ATG5: variants seen among roughly 807,000 people sequenced by gnomAD.
The protein encoded by ATG5 is autophagy protein 5.
Under a neutral mutation model 36.5 loss-of-function variants are expected in ATG5, and 14 were observed. The ratio of observed to expected loss-of-function variants is 0.38; its 90% CI spans 0.25 to 0.60. The LOEUF is 0.60. ATG5 is among the 20% of genes least tolerant of loss of function. ATG5 has a pLI of 0.60. For synonymous variants in ATG5, 95 were observed against 101.5 expected (o/e 0.94, Z 0.38); for missense variants, 195 against 326.7 (o/e 0.60, Z 3.11).
At chr6:106,211,257 T>C (rs564982750) in intron 6 of ATG5, among the ~76,000 whole-genome samples, 3 of 152,042 alleles carry the variant, frequency 2.0e-5, no homozygotes, top group Non-Finnish European at 4.4e-5. Flanking sequence ...ACCAAAGGGG[T>C]GAAACTTAAC....
At chr6:106,196,059 G>A (rs1179299346) in intron 7 of ATG5, among the ~76,000 whole-genome samples, 4 of 152,116 alleles carry the variant, frequency 2.6e-5, no homozygotes, top group African/African-American at 9.7e-5. Flanking sequence ...TTTCATTTAC[G>A]TGTCTGATGT....
chr6:106,209,250 G>C (rs918074985), intron 6 of ATG5, among the ~76,000 whole-genome samples: 2 of 152,124 alleles, frequency 1.3e-5, no homozygotes, highest in Non-Finnish European at 2.9e-5. Flanking sequence ...ATTCGTGAGA[G>C]TCAAAAACAG....
At chr6:106,285,844 C>G (rs1181480148) in intron 4 of ATG5, among the ~76,000 whole-genome samples, 1 of 152,088 alleles carries the variant, frequency 6.6e-6, no homozygotes, top group Non-Finnish European at 1.5e-5. Flanking sequence ...AATGTAAAAA[C>G]TACTCTTATA....
At chr6:106,285,371 T>C (rs999412846) in intron 4 of ATG5, among the ~76,000 whole-genome samples, 14 of 152,236 alleles carry the variant, frequency 9.2e-5, no homozygotes, top group African/African-American at 3.4e-4. Flanking sequence ...TTTTTTTATT[T>C]GATATGGACC....
intron 4 of ATG5, among the ~76,000 whole-genome samples, chr6:106,292,736 C>T (rs909189149): frequency 2.0e-5 from 3 of 152,150 alleles, no homozygotes; most frequent in African/African-American, 7.2e-5. Context: ...TCCCAAAGTG[C>T]TGGGATTACA....
Position 106,186,125 on chromosome 6 carries a change from T to G in ATG5, c.*415A>C, listed in dbSNP as rs1775757726. The G allele has an allele frequency of 6.3e-6, 1 of 158,224 alleles. No homozygotes were observed. The highest frequency in any genetic ancestry group is 2.0e-4 in the South Asian group (1 of 4,946). 9.8% of individuals were successfully genotyped at this position (158,224 alleles called of 1,614,324 possible). ...TTCTCTTTTACTTTCTTAATTCTCTTGAAAATTAAACCAATGTTTCCACTT... is the reference window on the plus strand; with the variant it reads ...TTCTCTTTTACTTTCTTAATTCTCTGGAAAATTAAACCAATGTTTCCACTT... On this transcript the variant is annotated 3_prime_UTR_variant, in exon 8 of 8. Transcript: ENST00000369076.
chr6:106,303,961 C>T (rs1770319771), intron 3 of ATG5, among the ~76,000 whole-genome samples: 1 of 148,980 alleles, frequency 6.7e-6, no homozygotes, highest in African/African-American at 2.5e-5. Context: ...GAAGTTCTAG[C>T]TACTCCAATA....
chr6:106,189,482 G>A (rs191926815), intron 7 of ATG5, among the ~76,000 whole-genome samples: 396 of 152,080 alleles, frequency 2.6e-3, no homozygotes, highest in African/African-American at 8.8e-3. Flanking sequence ...TTAGCTGGGC[G>A]TGGTGGTGCA....
chr6:106,184,507 T>G lies in ATG5; in HGVS notation c.*2033A>C, dbSNP rs1775694853. 6.6e-6 allele frequency: 1 copy of G among 152,182 alleles called. No individual in the cohort carries two copies. Among genetic ancestry groups the G allele is most frequent in the Non-Finnish European group, 1.5e-5 (1 of 68,006 alleles). The allele number at this position is 152,182 out of a possible 1,614,324, so 9.4% of individuals were successfully genotyped here. A position where few individuals can be genotyped will look rare whatever the true frequency, so the allele number is the denominator to read the frequency against. ...TAATTTTTTAATAAACCATAAAATT[T>G]AAATATTCAAATGAAAAGAAACAAA... On this transcript the variant is annotated 3_prime_UTR_variant, in exon 8 of 8. Transcript: ENST00000369076.
rs530534431 is a variant in ATG5 at position 106,319,099 on chromosome 6, T to C, written c.-58-2833A>G. 1.2e-3 allele frequency among the ~76,000 whole-genome samples: 190 copies of C among 152,278 alleles called. 1 individual carries two copies. The highest frequency in any genetic ancestry group is 4.3e-3 in the African/African-American group (178 of 41,562). On this transcript the variant is annotated intron_variant, in intron 1 of 7. Transcript: ENST00000369076. ...TCATTTAACTTCTCTATTTCTGTTT[T>C]CTCATCTGTAACATGGGAAAACAGC...
chr6:106,269,338 C>T (rs1779350717), intron 5 of ATG5, among the ~76,000 whole-genome samples: 2 of 152,254 alleles, frequency 1.3e-5, no homozygotes, highest in African/African-American at 4.8e-5. Flanking sequence ...CCCCACCAGA[C>T]TCAGGAGCCC....
intron 5 of ATG5, among the ~76,000 whole-genome samples, chr6:106,251,094 T>C (rs1352721015): frequency 6.6e-6 from 1 of 152,236 alleles, no homozygotes; most frequent in Non-Finnish European, 1.5e-5. Context: ...GGCACACTAA[T>C]GGGCGCTTGC....
At chr6:106,312,356 G>A (rs1307642266) in intron 2 of ATG5, among the ~76,000 whole-genome samples, 1 of 151,950 alleles carries the variant, frequency 6.6e-6, no homozygotes, top group Non-Finnish European at 1.5e-5. Flanking sequence ...GATTTTTTTG[G>A]GGGGAAAGCT....
chr6:106,293,184 A>G lies in ATG5; in HGVS notation c.237-78T>C, dbSNP rs1213908443. On this transcript the variant is annotated intron_variant, in intron 3 of 7. Coordinates refer to ENST00000369076, the MANE Select transcript of ATG5 (RefSeq NM_004849.4). Reference sequence around the variant, plus strand: ...CAAGGCCAAAATAAATTTCCAACACATATTTTAACACCAAATGTCAGGGGC... The same window carrying G: ...CAAGGCCAAAATAAATTTCCAACACGTATTTTAACACCAAATGTCAGGGGC... 33 of 1,120,158 alleles carry G rather than the reference A, an allele frequency of 2.9e-5. No homozygotes were observed. In the Admixed American group the frequency reaches 5.8e-4, roughly 20 times the overall value. 69.4% of individuals were successfully genotyped at this position (1,120,158 alleles called of 1,614,324 possible).
intron 6 of ATG5, among the ~76,000 whole-genome samples, chr6:106,228,006 G>A (rs1457651498): frequency 1.3e-5 from 2 of 152,170 alleles, no homozygotes; most frequent in African/African-American, 2.4e-5. Flanking sequence ...TAAGCATATC[G>A]TAAGAACCTA....
At chr6:106,259,684 AAG>A (rs1778936181) in intron 5 of ATG5, among the ~76,000 whole-genome samples, 1 of 152,242 alleles carries the variant, frequency 6.6e-6, no homozygotes. Context: ...AAATATGTAA[AAG>A]AGTTATAGAG....
At position 106,202,005 on chromosome 6, in the gene ATG5, TGAG is replaced by T. The variant is rs1433782603; in HGVS notation, c.655_657del (p.Leu219del). The T allele has an allele frequency of 1.2e-6, 2 of 1,613,298 alleles. No individual in the cohort carries two copies. The highest frequency in any genetic ancestry group is 2.2e-5 in the East Asian group (1 of 44,830). On this transcript the variant is annotated inframe_deletion, in exon 7 of 8. Coordinates refer to ENST00000369076, the MANE Select transcript of ATG5 (RefSeq NM_004849.4). ...TCAATAGCAGAAGGACAAACTTCTTTGAGGAGATCTCCTAGTGTGTGCAACTGT... is the reference window on the plus strand; with the variant it reads ...TCAATAGCAGAAGGACAAACTTCTTTGAGATCTCCTAGTGTGTGCAACTGT...
intron 5 of ATG5, among the ~76,000 whole-genome samples, chr6:106,256,205 G>A (rs1778792807): frequency 6.6e-6 from 1 of 152,146 alleles, no homozygotes; most frequent in East Asian, 1.9e-4. Flanking sequence ...TGCTTCTGGA[G>A]AGAAAGTGTA....
chr6:106,316,201 T>C lies in ATG5; in HGVS notation c.8A>G (p.Asp3Gly), dbSNP rs770274468. 1.9e-6 allele frequency: 3 copies of C among 1,613,458 alleles called. No individual in the cohort carries two copies. The highest frequency in any genetic ancestry group is 1.1e-5 in the South Asian group (1 of 91,034). The change falls in exon 2 of 8, where the codon GAT (aspartate) becomes GGT (glycine). Residue 3 changes from aspartate to glycine, a missense_variant. Physicochemically the swap from Asp to Gly is moderately conservative, Grantham distance 94. Coordinates refer to ENST00000369076, the MANE Select transcript of ATG5 (RefSeq NM_004849.4). MT[D>G]DKDVLRDVWF... is the part of the protein sequence containing the mutation. ...CACATCTCGAAGCACATCTTTGTCA[T>C]CTGTCATTCTTCCAGGAGTTAAAGC...
Sources: allele counts gnomAD v4.1 joint callset (sites outside exome capture counted in the v4.1 genomes callset), GRCh38; gene constraint gnomAD v4.1.1; transcripts MANE v1.5; gene names NCBI Gene and HGNC (gene_info 2026-07-23, HGNC 2026-07-21).